PTPRN2: variants seen among roughly 807,000 people sequenced by gnomAD.
PTPRN2 encodes the protein receptor-type tyrosine-protein phosphatase N2.
PTPRN2 carries 74 observed loss-of-function variants against 118.8 expected under a neutral mutation model. That is an observed-to-expected ratio of 0.62 (90% confidence interval 0.52 to 0.76). The LOEUF is 0.76. Among genes scored for constraint, PTPRN2 ranks in the 30% least tolerant of loss-of-function variants. The pLI, the probability that PTPRN2 is intolerant of heterozygous loss-of-function variation, is 0.00. For synonymous variants in PTPRN2, 641 were observed against 608.0 expected (o/e 1.05, Z -0.80); for missense variants, 1,481 against 1,394.4 (o/e 1.06, Z -0.99).
chr7:158,266,817 A>G (rs899178168), intron 3 of PTPRN2, among the ~76,000 whole-genome samples: 5 of 152,352 alleles, frequency 3.3e-5, no homozygotes, highest in East Asian at 3.9e-4. Context: ...GAGTTCAAAT[A>G]TGCCAAATTT....
At chr7:158,218,374 T>C (rs1828111402) in intron 3 of PTPRN2, among the ~76,000 whole-genome samples, 2 of 152,260 alleles carry the variant, frequency 1.3e-5, no homozygotes, top group Admixed American at 1.3e-4. Flanking sequence ...ATAAAATCAT[T>C]TTTAGACAAG....
intron 9 of PTPRN2, among the ~76,000 whole-genome samples, chr7:158,124,476 T>A (rs1026539784): frequency 6.6e-6 from 1 of 152,258 alleles, no homozygotes; most frequent in Non-Finnish European, 1.5e-5. Context: ...TACATCTGGT[T>A]TACTTTGCTT....
chr7:158,489,677 C>A (rs1199080347), intron 2 of PTPRN2, 58 bp downstream of exon 2: 24 of 1,510,742 alleles, frequency 1.6e-5, no homozygotes, highest in East Asian at 1.5e-4. Flanking sequence ...CTGGGCGCTG[C>A]GCACGGCGGG....
chr7:157,563,643 C>G (rs1799330541), intron 21 of PTPRN2, among the ~76,000 whole-genome samples: 1 of 147,858 alleles, frequency 6.8e-6, no homozygotes, highest in South Asian at 2.2e-4. Context: ...TCACCACACA[C>G]CACAGATCAG....
At chr7:158,369,990 C>G (rs907934322) in intron 2 of PTPRN2, among the ~76,000 whole-genome samples, 17 of 152,188 alleles carry the variant, frequency 1.1e-4, no homozygotes, top group African/African-American at 4.1e-4. Context: ...ACACCGAGGG[C>G]AGAACTGTCC....
chr7:158,259,840 TTG>T (rs1299278715), intron 3 of PTPRN2, among the ~76,000 whole-genome samples: 1 of 150,528 alleles, frequency 6.6e-6, no homozygotes, highest in Non-Finnish European at 1.5e-5. Context: ...GTGAATGTGT[TTG>T]TGTGTCCATG....
intron 11 of PTPRN2, among the ~76,000 whole-genome samples, chr7:158,046,521 C>T (rs974792426): frequency 6.6e-6 from 1 of 152,232 alleles, no homozygotes; most frequent in African/African-American, 2.4e-5. Flanking sequence ...CCTTCAGGGA[C>T]TGAGGCAATC....
At chr7:158,076,795 C>T (rs1812394299) in intron 11 of PTPRN2, among the ~76,000 whole-genome samples, 1 of 152,228 alleles carries the variant, frequency 6.6e-6, no homozygotes, top group Admixed American at 6.5e-5. Context: ...GTGCCATCCA[C>T]TGCCCCTAAG....
chr7:158,320,003 TCACA>T (rs1176842464), intron 2 of PTPRN2, among the ~76,000 whole-genome samples: 1 of 4,898 alleles, frequency 2.0e-4, no homozygotes, highest in African/African-American at 8.7e-4. Flanking sequence ...TCACACACAC[TCACA>T]CAGCCTCCCT....
At chr7:157,725,263 C>G (rs1444631634) in intron 12 of PTPRN2, among the ~76,000 whole-genome samples, 4 of 134,438 alleles carry the variant, frequency 3.0e-5, no homozygotes, top group African/African-American at 1.0e-4. Flanking sequence ...GAGGAGTGAG[C>G]CAGACCCTGG....
At chr7:157,899,524 GAA>G (rs1226618969) in intron 11 of PTPRN2, among the ~76,000 whole-genome samples, 1 of 152,090 alleles carries the variant, frequency 6.6e-6, no homozygotes, top group Non-Finnish European at 1.5e-5. Context: ...ATGAAAACCA[GAA>G]AAAAATGGAA....
intron 16 of PTPRN2, among the ~76,000 whole-genome samples, chr7:157,599,900 C>T (rs1230444413): frequency 1.4e-5 from 2 of 138,770 alleles, no homozygotes; most frequent in African/African-American, 2.7e-5. Flanking sequence ...CACCTCTCCA[C>T]CTGCCCCTCT....
intron 1 of PTPRN2, among the ~76,000 whole-genome samples, chr7:158,564,029 T>C (rs1405947476): frequency 6.6e-6 from 1 of 152,058 alleles, no homozygotes; most frequent in Non-Finnish European, 1.5e-5. Flanking sequence ...ACAAAGATGA[T>C]ACAAAGAAAG....
chr7:158,247,884 G>A (rs1796361950), intron 3 of PTPRN2, among the ~76,000 whole-genome samples: 1 of 152,106 alleles, frequency 6.6e-6, no homozygotes, highest in African/African-American at 2.4e-5. Flanking sequence ...CCAAAGTGCT[G>A]GGATTACAGG....
rs896763150 is a variant in PTPRN2 at position 157,780,840 on chromosome 7, C to A, written c.1789-97903G>T. On this transcript the variant is annotated intron_variant, in intron 12 of 22. Transcript: ENST00000389418. This position sits in a 1 kb window ranked among gnomAD's most constrained non-coding sequence, Gnocchi z 4.5. ...TCCGTGATGAGCTGCCCCGCGGGTC[C>A]CCACAGATCAATCAGGACAGAATAC... Among the ~76,000 whole-genome samples, 3 of 152,310 alleles carry A rather than the reference C, an allele frequency of 2.0e-5. No individual in the cohort carries two copies. The East Asian group carries it at 5.8e-4, about 29-fold the overall frequency.
intron 12 of PTPRN2, among the ~76,000 whole-genome samples, chr7:157,686,899 A>G (rs1349943600): frequency 2.0e-5 from 3 of 152,114 alleles, no homozygotes; most frequent in African/African-American, 7.3e-5. Flanking sequence ...TTAAAAAAAT[A>G]ATCAGGAATG....
In PTPRN2 at chr7:157,943,722, C is replaced by T. The variant is rs537313638; in HGVS notation, c.1724-44985G>A. The stretch of plus-strand genomic sequence containing the variant: ...AGAGGCCAAGCGCTCCCTACCCTGA[C>T]GCCAAGGCCCCTCTAGGACACCGAA... On this transcript the variant is annotated intron_variant, in intron 11 of 22. Transcript: ENST00000389418. Among the ~76,000 whole-genome samples the T allele has an allele frequency of 1.8e-4, 27 of 152,032 alleles. 1 individual carries two copies. In the South Asian group the frequency reaches 3.1e-3, roughly 18 times the overall value.
chr7:158,304,258 A>C (rs530793071), intron 3 of PTPRN2, among the ~76,000 whole-genome samples: 117 of 150,656 alleles, frequency 7.8e-4, no homozygotes, highest in African/African-American at 2.8e-3. Context: ...AGGGAGGCAT[A>C]AAACACCCGT....
intron 5 of PTPRN2, among the ~76,000 whole-genome samples, chr7:158,191,161 G>A (rs959239887): frequency 6.6e-6 from 1 of 152,212 alleles, no homozygotes; most frequent in African/African-American, 2.4e-5. Context: ...GTCTGTGGGG[G>A]TTGCCCAGAG....
Sources: gnomAD v4.1 joint callset for allele counts (sites outside exome capture counted in the v4.1 genomes callset) on GRCh38, gnomAD v4.1.1 for gene constraint, Gnocchi (gnomAD v3.1) non-coding constraint, MANE v1.5 for transcripts, NCBI Gene and HGNC (gene_info 2026-07-23, HGNC 2026-07-21) for gene names.